The following DMD variants were observed in gnomAD, a reference collection of about 807,000 sequenced individuals.
DMD encodes the protein dystrophin, also known as mutant dystrophin.
In DMD, 63 loss-of-function variants were observed where a neutral mutation model predicts 330.1. That is an observed-to-expected ratio of 0.19 (90% confidence interval 0.16 to 0.24). DMD has a LOEUF of 0.24. Ranked by LOEUF, DMD falls within the 10% of genes least tolerant of loss-of-function variation. The pLI is 1.00. For synonymous variants in DMD, 1,223 were observed against 959.8 expected, an observed-to-expected ratio of 1.27 and a Z score of -5.07; for missense variants, 3,344 against 2,684.1, an observed-to-expected ratio of 1.25 and a Z score of -5.43.
chrX:33,251,387 G>A (rs1165095050), intron 1 of DMD, among the ~76,000 whole-genome samples: 1 of 110,949 alleles, frequency 9.0e-6, no homozygotes, highest in Non-Finnish European at 1.9e-5. Flanking sequence ...AATTCCATTC[G>A]GGTATCAAGG....
chrX:32,515,379 G>A (rs2045757770), intron 18 of DMD, among the ~76,000 whole-genome samples: 1 of 111,106 alleles, frequency 9.0e-6, no homozygotes, highest in Non-Finnish European at 1.9e-5. Context: ...TTTCCAGCGG[G>A]AGTTGGTAAA....
chrX:32,292,536 T>C (rs953395267), intron 42 of DMD, among the ~76,000 whole-genome samples: 2 of 109,595 alleles, frequency 1.8e-5, no homozygotes, highest in Admixed American at 9.8e-5. Flanking sequence ...CTCGATCTCC[T>C]GACCTCGTGA....
chrX:31,911,501 CTTT>C (rs34439142), intron 47 of DMD, among the ~76,000 whole-genome samples: 12,682 of 101,690 alleles, frequency 0.12, 1,782 homozygotes, highest in African/African-American at 0.41. Context: ...GCATTTCTCA[CTTT>C]TTTTTTTTTT....
At chrX:32,859,679 CACTTAGAA>C (rs1297808729) in intron 2 of DMD, among the ~76,000 whole-genome samples, 2 of 111,300 alleles carry the variant, frequency 1.8e-5, no homozygotes, top group Non-Finnish European at 3.8e-5. Flanking sequence ...ACAGAGGATG[CACTTAGAA>C]ACTTGCTTTT....
intron 26 of DMD, among the ~76,000 whole-genome samples, chrX:32,453,955 A>G (rs1321537835): frequency 9.0e-6 from 1 of 111,198 alleles, no homozygotes; most frequent in African/African-American, 3.3e-5. Flanking sequence ...ATTTACTCAC[A>G]TGGTAGTTAC....
intron 63 of DMD, among the ~76,000 whole-genome samples, chrX:31,251,592 T>C (rs2049374282): frequency 8.9e-6 from 1 of 112,106 alleles, no homozygotes; most frequent in Admixed American, 9.5e-5. Context: ...AGAATATTTT[T>C]AGGTCATTTT....
intron 60 of DMD, among the ~76,000 whole-genome samples, chrX:31,436,949 C>T (rs766268885): frequency 2.7e-5 from 3 of 111,406 alleles, no homozygotes; most frequent in Non-Finnish European, 5.7e-5. Context: ...TTACTTTTAG[C>T]TTTTACAAAA....
intron 2 of DMD, among the ~76,000 whole-genome samples, chrX:32,995,067 T>C (rs2093081030): frequency 8.9e-6 from 1 of 111,828 alleles, no homozygotes; most frequent in South Asian, 3.7e-4. Flanking sequence ...ATGACTCCAC[T>C]GCACTCCAAC....
chrX:33,249,879 G>T (rs1021983598), intron 1 of DMD, among the ~76,000 whole-genome samples: 2 of 109,582 alleles, frequency 1.8e-5, no homozygotes, highest in Admixed American at 2.0e-4. Flanking sequence ...TTCCATTCAG[G>T]TATCAAGGGA....
At chrX:31,242,700 ATGTGTGTG>A (rs3138883) in intron 63 of DMD, among the ~76,000 whole-genome samples, 958 of 95,092 alleles carry the variant, frequency 0.01, 14 homozygotes, top group African/African-American at 0.035. Context: ...ACAATAAGAT[ATGTGTGTG>A]TGTGTGTGTG....
intron 44 of DMD, among the ~76,000 whole-genome samples, chrX:32,201,361 CTG>C (rs2097035677): frequency 9.1e-6 from 1 of 109,878 alleles, no homozygotes; most frequent in Non-Finnish European, 1.9e-5. Flanking sequence ...GAAAGCAAAA[CTG>C]TGGATATTTT....
At chrX:31,193,735 T>C (rs2042608228) in intron 67 of DMD, among the ~76,000 whole-genome samples, 1 of 111,720 alleles carries the variant, frequency 9.0e-6, no homozygotes, top group Non-Finnish European at 1.9e-5. Context: ...TGTTATTTTG[T>C]TCCTCCAGAT....
At chrX:33,253,013 A>G (rs749378113) in intron 1 of DMD, among the ~76,000 whole-genome samples, 154 of 111,859 alleles carry the variant, frequency 1.4e-3, no homozygotes, top group African/African-American at 4.7e-3. Flanking sequence ...GTTTGAAATG[A>G]GGCCATGACA....
chrX:33,224,262 C>T (rs983182771), intron 1 of DMD, among the ~76,000 whole-genome samples: 12 of 112,122 alleles, frequency 1.1e-4, no homozygotes, highest in African/African-American at 2.9e-4. Flanking sequence ...AACTTATGTC[C>T]GCACAAAAAC....
chrX:31,537,803 G>A (rs2073514204), intron 55 of DMD, among the ~76,000 whole-genome samples: 1 of 111,778 alleles, frequency 8.9e-6, no homozygotes, highest in African/African-American at 3.2e-5. Context: ...CCAAGCCAGG[G>A]TCAATTACCT....
intron 52 of DMD, among the ~76,000 whole-genome samples, chrX:31,694,633 TATATATATATATATATAC>T (rs1327001244): frequency 1.1e-5 from 1 of 89,784 alleles, no homozygotes; most frequent in Non-Finnish European, 2.1e-5. Flanking sequence ...TATATATATA[TATATATATATATATATAC>T]ACACACATAT....
At chrX:32,942,968 T>G (rs1451531896) in intron 2 of DMD, among the ~76,000 whole-genome samples, 1 of 111,691 alleles carries the variant, frequency 9.0e-6, no homozygotes, top group African/African-American at 3.3e-5. Flanking sequence ...AAGGTCTTCA[T>G]GTAAAAGAAA....
At chrX:31,706,057 G>T (rs935652817) in intron 52 of DMD, among the ~76,000 whole-genome samples, 9 of 109,708 alleles carry the variant, frequency 8.2e-5, no homozygotes, top group Non-Finnish European at 1.3e-4. Flanking sequence ...GGTGGTCACT[G>T]ATACTTTACC....
At chrX:33,051,088 C>T (rs990812049) in intron 1 of DMD, among the ~76,000 whole-genome samples, 5 of 111,951 alleles carry the variant, frequency 4.5e-5, no homozygotes, top group Admixed American at 1.9e-4. Context: ...ATGTAAGTAA[C>T]GTACCCTTTA....
Sources: gnomAD v4.1 joint callset for allele counts (sites outside exome capture counted in the v4.1 genomes callset) on GRCh38, gnomAD v4.1.1 for gene constraint, MANE v1.5 for transcripts, NCBI Gene and HGNC (gene_info 2026-07-23, HGNC 2026-07-21) for gene names.